Variants in PTPRD observed in about 807,000 individuals in gnomAD.
PTPRD encodes the protein receptor-type tyrosine-protein phosphatase delta.
A neutral mutation model predicts 214.5 loss-of-function variants in PTPRD; 34 were observed. The ratio of observed to expected loss-of-function variants is 0.16; its 90% CI spans 0.12 to 0.21. The LOEUF is 0.21. PTPRD is among the 10% of genes least tolerant of loss of function. The pLI, the probability that PTPRD is intolerant of heterozygous loss-of-function variation, is 1.00. For missense variants in PTPRD, 2,545 were observed against 2,398.7 expected (o/e 1.06, Z -1.27); for synonymous variants, 1,128 against 845.7 (o/e 1.33, Z -5.79).
chr9:8,548,504 A>G (rs1353822483), intron 14 of PTPRD, among the ~76,000 whole-genome samples: 1 of 151,656 alleles, frequency 6.6e-6, no homozygotes, highest in African/African-American at 2.4e-5. Context: ...AGTATATGGG[A>G]CTACAGGCAC....
At chr9:8,334,898 CTAGAAAA>C (rs1845087175) in intron 43 of PTPRD, among the ~76,000 whole-genome samples, 1 of 139,640 alleles carries the variant, frequency 7.2e-6, no homozygotes, top group Non-Finnish European at 1.6e-5. Context: ...TGCAAATAAA[CTAGAAAA>C]TCTAGAAGAA....
intron 2 of PTPRD, among the ~76,000 whole-genome samples, chr9:10,342,936 C>T (rs1039982770): frequency 2.0e-5 from 3 of 152,096 alleles, no homozygotes; most frequent in Non-Finnish European, 2.9e-5. Flanking sequence ...AAAGTATCTT[C>T]TCCATTTAAA....
At chr9:9,674,637 C>T (rs2096895021) in intron 7 of PTPRD, among the ~76,000 whole-genome samples, 1 of 151,602 alleles carries the variant, frequency 6.6e-6, no homozygotes, top group Non-Finnish European at 1.5e-5. Context: ...CAAATACATA[C>T]CTTGAAATGC....
intron 5 of PTPRD, among the ~76,000 whole-genome samples, chr9:9,820,642 T>A (rs1411232973): frequency 1.3e-5 from 2 of 152,134 alleles, no homozygotes; most frequent in Non-Finnish European, 2.9e-5. Flanking sequence ...CTTTAATCCA[T>A]CTTGAGTTAA....
At chr9:9,405,555 A>T (rs545164936) in intron 8 of PTPRD, among the ~76,000 whole-genome samples, 4 of 152,058 alleles carry the variant, frequency 2.6e-5, no homozygotes, top group Non-Finnish European at 4.4e-5. Context: ...GCCTGGGTAA[A>T]TCTACTTCAG....
chr9:9,409,151 T>C (rs1017619221), intron 8 of PTPRD, among the ~76,000 whole-genome samples: 2 of 151,926 alleles, frequency 1.3e-5, no homozygotes, highest in Non-Finnish European at 2.9e-5. Context: ...TAAAGACAAA[T>C]ATATGTGTGC....
intron 11 of PTPRD, among the ~76,000 whole-genome samples, chr9:8,863,690 CTA>C (rs2098145749): frequency 6.6e-6 from 1 of 152,082 alleles, no homozygotes; most frequent in African/African-American, 2.4e-5. Flanking sequence ...AAAAATAAAA[CTA>C]TTGCTAACAT....
intron 7 of PTPRD, among the ~76,000 whole-genome samples, chr9:9,646,755 T>C (rs1207166613): frequency 6.6e-6 from 1 of 152,194 alleles, no homozygotes; most frequent in Non-Finnish European, 1.5e-5. Context: ...TTTTTTCCTA[T>C]ACATGCATAT....
chr9:9,797,044 G>T (rs1388356440), intron 5 of PTPRD, among the ~76,000 whole-genome samples: 1 of 152,040 alleles, frequency 6.6e-6, no homozygotes, highest in Non-Finnish European at 1.5e-5. Context: ...TAGTAGATGG[G>T]ATATCTGAGA....
At chr9:9,136,441 C>T (rs1202808595) in intron 10 of PTPRD, among the ~76,000 whole-genome samples, 7 of 152,022 alleles carry the variant, frequency 4.6e-5, no homozygotes, top group Non-Finnish European at 1.0e-4. Flanking sequence ...ATCATCTGAA[C>T]TCATTTTCAT....
At chr9:8,888,070 C>G (rs971974569) in intron 11 of PTPRD, among the ~76,000 whole-genome samples, 2 of 152,180 alleles carry the variant, frequency 1.3e-5, no homozygotes, top group African/African-American at 4.8e-5. Context: ...AATAATTACT[C>G]TCACTCTTTA....
intron 5 of PTPRD, among the ~76,000 whole-genome samples, chr9:9,785,917 C>T (rs758610725): frequency 5.9e-5 from 9 of 152,110 alleles, no homozygotes. Flanking sequence ...TCAAGTAGGT[C>T]ATGATGAAAT....
At chr9:10,611,669 C>A (rs1302768759) in intron 2 of PTPRD, among the ~76,000 whole-genome samples, 1 of 152,166 alleles carries the variant, frequency 6.6e-6, no homozygotes, top group Admixed American at 6.5e-5. Flanking sequence ...TTAAACCTGT[C>A]ACTGGCTGCT....
chr9:9,871,007 TA>T (rs1255560281), intron 5 of PTPRD, among the ~76,000 whole-genome samples: 1 of 152,102 alleles, frequency 6.6e-6, no homozygotes, highest in Admixed American at 6.6e-5. Context: ...TACTACTCCA[TA>T]AAAATTAAGA....
intron 2 of PTPRD, among the ~76,000 whole-genome samples, chr9:10,505,298 A>C (rs2045541830): frequency 6.6e-6 from 1 of 152,172 alleles, no homozygotes; most frequent in Admixed American, 6.5e-5. Flanking sequence ...ACTTCACTAG[A>C]TTTAAAGTTT....
intron 14 of PTPRD, among the ~76,000 whole-genome samples, chr9:8,598,084 G>T (rs988139121): frequency 6.6e-6 from 1 of 152,070 alleles, no homozygotes; most frequent in African/African-American, 2.4e-5. Flanking sequence ...ATGGAGAAAA[G>T]CCTGAGAGAA....
At chr9:9,744,504 T>C (rs1160949600) in intron 6 of PTPRD, among the ~76,000 whole-genome samples, 8 of 152,104 alleles carry the variant, frequency 5.3e-5, no homozygotes, top group Admixed American at 3.3e-4. Flanking sequence ...CAAATATCTC[T>C]AATTTATATT....
At chr9:8,721,453 A>G (rs1336767602) in intron 12 of PTPRD, among the ~76,000 whole-genome samples, 1 of 151,884 alleles carries the variant, frequency 6.6e-6, no homozygotes. Context: ...AAAGAAAGAT[A>G]AAGTGTTTAA....
At chr9:8,438,458 C>G (rs886450071) in intron 34 of PTPRD, among the ~76,000 whole-genome samples, 1 of 152,006 alleles carries the variant, frequency 6.6e-6, no homozygotes, top group African/African-American at 2.4e-5. Flanking sequence ...ATTTTGGAAC[C>G]CTTTCTGAAA....
Sources: gnomAD v4.1 joint callset for allele counts (sites outside exome capture counted in the v4.1 genomes callset) on GRCh38, gnomAD v4.1.1 for gene constraint, MANE v1.5 for transcripts, NCBI Gene and HGNC (gene_info 2026-07-23, HGNC 2026-07-21) for gene names.